The following CACNG5 variants were observed in gnomAD, a reference collection of about 807,000 sequenced individuals.
CACNG5 encodes voltage-dependent calcium channel gamma-5 subunit.
CACNG5 carries 18 observed loss-of-function variants against 24.8 expected under a neutral mutation model. That is an observed-to-expected ratio of 0.73 (90% CI 0.50 to 1.08). The LOEUF (loss-of-function observed/expected upper bound fraction) is 1.08, where lower values mean the gene tolerates loss of function less well. Among genes scored for constraint, CACNG5 ranks in the 50% least tolerant of loss-of-function variants. The pLI is 0.00. For missense variants in CACNG5, 349 were observed against 367.9 expected, an observed-to-expected ratio of 0.95 and a Z score of 0.42; for synonymous variants, 157 against 149.1, an observed-to-expected ratio of 1.05 and a Z score of -0.39.
chr17:66,854,747 CA>C (rs1240599396), intron 1 of CACNG5, among the ~76,000 whole-genome samples: 1 of 151,834 alleles, frequency 6.6e-6, no homozygotes, highest in African/African-American at 2.4e-5. Flanking sequence ...CAGAACGTTT[CA>C]GCACATACAT....
chr17:66,894,274 TC>T lies in CACNG5; in HGVS notation c.*9036del, dbSNP rs1205681305. Among the ~76,000 whole-genome samples the T allele has an allele frequency of 6.6e-6, 1 of 152,142 alleles. No homozygotes were observed. The highest frequency in any genetic ancestry group is 2.4e-5 in the African/African-American group (1 of 41,432). ...CACCCCCTTGGGAGGATCCTGCACA[TC>T]CTTCCTCAGTGGATCCTTAGAAACT... On this transcript the variant is annotated 3_prime_UTR_variant, in exon 6 of 6. Coordinates refer to ENST00000533854, the MANE Select transcript of CACNG5 (RefSeq NM_145811.3).
intron 1 of CACNG5, among the ~76,000 whole-genome samples, chr17:66,847,418 G>A (rs1976651216): frequency 6.6e-6 from 1 of 152,202 alleles, no homozygotes; most frequent in Non-Finnish European, 1.5e-5. Context: ...CATGGTAGAA[G>A]GCGAAGGAGG....
At position 66,862,404 on chromosome 17, in the gene CACNG5, C is replaced by A. The variant is rs537559672; in HGVS notation, c.-103-14826C>A. Reference sequence around the variant, plus strand: ...GTCACAATCCAGCTTGTGTCACTTACAAGCTGCCTTAGAGAGCTCTCTGTC... The same window carrying A: ...GTCACAATCCAGCTTGTGTCACTTAAAAGCTGCCTTAGAGAGCTCTCTGTC... On this transcript the variant is annotated intron_variant, in intron 1 of 5. Transcript: ENST00000533854. 3.6e-5 allele frequency among the ~76,000 whole-genome samples: 5 copies of A among 138,386 alleles called. No homozygotes were observed. The East Asian group carries it at 1.4e-3, about 39-fold the overall frequency. The allele number at this position is 138,386 out of a possible 152,430, so 90.8% of individuals were successfully genotyped here. A position where few individuals can be genotyped will look rare whatever the true frequency, so the allele number is the denominator to read the frequency against.
intron 1 of CACNG5, among the ~76,000 whole-genome samples, chr17:66,836,140 A>G (rs1286462891): frequency 1.3e-5 from 2 of 152,168 alleles, no homozygotes; most frequent in Non-Finnish European, 2.9e-5. Context: ...CCTGCCAGGC[A>G]CGCCGGTGGT....
At chr17:66,847,079 A>T (rs1757849979) in intron 1 of CACNG5, among the ~76,000 whole-genome samples, 1 of 152,230 alleles carries the variant, frequency 6.6e-6, no homozygotes, top group South Asian at 2.1e-4. Flanking sequence ...GTGCACACTT[A>T]GCTACCAACC....
At chr17:66,860,537 T>C (rs1976839719) in intron 1 of CACNG5, among the ~76,000 whole-genome samples, 2 of 150,480 alleles carry the variant, frequency 1.3e-5, no homozygotes, top group Admixed American at 6.6e-5. Flanking sequence ...GAGAATCTTA[T>C]AGCAACAAAA....
At chr17:66,876,630 A>C (rs1308314213) in intron 1 of CACNG5, among the ~76,000 whole-genome samples, 3 of 152,174 alleles carry the variant, frequency 2.0e-5, no homozygotes, top group African/African-American at 7.2e-5. Flanking sequence ...TGTGTTGACC[A>C]AGTGCTGCAA....
Position 66,892,534 on chromosome 17 carries a change from G to C in CACNG5, c.*7294G>C, listed in dbSNP as rs1231933930. On this transcript the variant is annotated 3_prime_UTR_variant, in exon 6 of 6. Coordinates refer to ENST00000533854, the MANE Select transcript of CACNG5 (RefSeq NM_145811.3). The stretch of plus-strand genomic sequence containing the variant: ...TGAATAATTCATTTTGTGCTCAGCA[G>C]TTGTGAAAAAGAACAAGGCTCAAAG... Among the ~76,000 whole-genome samples, 3 of 152,224 alleles carry C rather than the reference G, an allele frequency of 2.0e-5. No individual in the cohort carries two copies. The highest frequency in any genetic ancestry group is 4.4e-5 in the Non-Finnish European group (3 of 68,050).
intron 1 of CACNG5, among the ~76,000 whole-genome samples, chr17:66,857,437 A>G (rs1319436754): frequency 2.0e-5 from 3 of 152,206 alleles, no homozygotes; most frequent in Non-Finnish European, 2.9e-5. Context: ...AAAGTTTTTT[A>G]TAGCCACTCT....
Position 66,880,656 on chromosome 17 carries a change from C to A in CACNG5, c.383C>A (p.Thr128Lys), listed in dbSNP as rs149159754. 6 of 1,614,230 alleles carry A rather than the reference C, an allele frequency of 3.7e-6. No individual in the cohort carries two copies. In the East Asian group the frequency reaches 1.1e-4, roughly 30 times the overall value. The change falls in exon 4 of 6, where the codon ACG becomes AAG. Residue 128 changes from threonine (T) to lysine (K), a missense_variant. Physicochemically the swap from Thr to Lys is moderately conservative, Grantham distance 78. Transcript: ENST00000533854. ...NNIGHIRPHR[T>K]ILAFVSGIFF... ...ATCGGACACATCCGTCCCCACCGGA[C>A]GATACTGGCCTTTGTCTCTGGCATC...
At chr17:66,835,620 G>C (rs898770743) in intron 1 of CACNG5, among the ~76,000 whole-genome samples, 1 of 152,196 alleles carries the variant, frequency 6.6e-6, no homozygotes, top group Non-Finnish European at 1.5e-5. Context: ...GGATAATGCA[G>C]GAAGGGATAA....
At chr17:66,838,843 G>T (rs1976520604) in intron 1 of CACNG5, among the ~76,000 whole-genome samples, 1 of 151,908 alleles carries the variant, frequency 6.6e-6, no homozygotes, top group Non-Finnish European at 1.5e-5. Context: ...GGCATTTGGG[G>T]CTGCCTTGTT....
In CACNG5 at chr17:66,891,700, G is replaced by A. The variant is rs6504468; in HGVS notation, c.*6460G>A. Among the ~76,000 whole-genome samples, 24,189 of 152,144 alleles carry A rather than the reference G, an allele frequency of 0.16. 2,136 individuals are homozygous for A. The highest frequency in any genetic ancestry group is 0.24 in the African/African-American group (9,892 of 41,478). ...AACCTAGGTTTATAGAGAAGAGAAC[G>A]TAGATCCCACCATCTCAGATGTGAG... is the stretch of plus-strand genomic sequence containing the variant. On this transcript the variant is annotated 3_prime_UTR_variant, in exon 6 of 6. Coordinates refer to ENST00000533854, the MANE Select transcript of CACNG5 (RefSeq NM_145811.3).
chr17:66,876,973 G>A (rs1977084970), intron 1 of CACNG5, among the ~76,000 whole-genome samples: 1 of 131,806 alleles, frequency 7.6e-6, no homozygotes, highest in Non-Finnish European at 1.6e-5. Context: ...CTGGCACAAT[G>A]GGTTGCTGAA....
chr17:66,879,513 C>T (rs922952292), intron 3 of CACNG5, among the ~76,000 whole-genome samples: 7 of 152,176 alleles, frequency 4.6e-5, no homozygotes, highest in Non-Finnish European at 8.8e-5. Context: ...GACCAATTAG[C>T]TCCAAATATG....
At chr17:66,867,492 AT>A (rs1449897962) in intron 1 of CACNG5, among the ~76,000 whole-genome samples, 2 of 151,946 alleles carry the variant, frequency 1.3e-5, no homozygotes, top group Non-Finnish European at 2.9e-5. Context: ...CCATTTGTCA[AT>A]TTTTGCTTTT....
At chr17:66,858,967 G>A (rs552302452) in intron 1 of CACNG5, among the ~76,000 whole-genome samples, 2 of 152,260 alleles carry the variant, frequency 1.3e-5, no homozygotes, top group South Asian at 4.1e-4. Flanking sequence ...CCCTCCAAGG[G>A]CCACCTTCCA....
intron 1 of CACNG5, among the ~76,000 whole-genome samples, chr17:66,855,993 G>GT (rs1206409241): frequency 6.6e-6 from 1 of 152,080 alleles, no homozygotes; most frequent in Non-Finnish European, 1.5e-5. Flanking sequence ...TGTTGTTGTC[G>GT]TTTAACATTA....
chr17:66,874,825 C>T (rs1977053107), intron 1 of CACNG5, among the ~76,000 whole-genome samples: 1 of 152,194 alleles, frequency 6.6e-6, no homozygotes, highest in Non-Finnish European at 1.5e-5. Context: ...CTTTGGGAGC[C>T]ATATCCCTTT....
Sources: gnomAD v4.1 joint callset for allele counts (sites outside exome capture counted in the v4.1 genomes callset) on GRCh38, gnomAD v4.1.1 for gene constraint, MANE v1.5 for transcripts, NCBI Gene and HGNC (gene_info 2026-07-23, HGNC 2026-07-21) for gene names.